The following LRRC8C variants were observed in gnomAD, a reference collection of about 807,000 sequenced individuals.
The protein encoded by LRRC8C is volume-regulated anion channel subunit LRRC8C.
Under a neutral mutation model 55.3 loss-of-function variants are expected in LRRC8C, and 20 were observed. That is an observed-to-expected ratio of 0.36 (90% CI 0.25 to 0.53). The LOEUF (loss-of-function observed/expected upper bound fraction) is 0.53. LRRC8C is among the 20% of genes least tolerant of loss of function. LRRC8C has a pLI of 0.92. For synonymous variants in LRRC8C, 376 were observed against 360.7 expected (o/e 1.04, Z -0.48); for missense variants, 659 against 951.4 (o/e 0.69, Z 4.04).
intron 1 of LRRC8C, among the ~76,000 whole-genome samples, chr1:89,668,617 G>A (rs1051382550): frequency 2.0e-5 from 3 of 152,136 alleles, no homozygotes; most frequent in African/African-American, 7.2e-5. Flanking sequence ...GATTGTTAGA[G>A]ACTAAAATAA....
upstream of LRRC8C, among the ~76,000 whole-genome samples, chr1:89,630,116 A>G (rs1416205216): frequency 6.6e-6 from 1 of 152,212 alleles, no homozygotes; most frequent in East Asian, 1.9e-4. Context: ...AGTTGCAGTC[A>G]GCGAGATCAC....
chr1:89,714,573 G>T lies in LRRC8C; in HGVS notation c.2003G>T (p.Ser668Ile). The T allele has an allele frequency of 1.2e-6, 2 of 1,614,134 alleles. No homozygotes were observed. Among genetic ancestry groups the T allele is most frequent in the Non-Finnish European group, 1.7e-6 (2 of 1,180,012 alleles). Residue 668 changes from serine to isoleucine, a missense_variant, in exon 3 of 3, where the codon AGT becomes ATT. By Grantham distance (142) the Ser-to-Ile change is moderately radical. This residue lies in a region of LRRC8C where 344 missense variants were observed against 464.6 expected (regional missense o/e 0.74). Coordinates refer to ENST00000370454, the MANE Select transcript of LRRC8C (RefSeq NM_032270.5). The surrounding 1 kb of genome is among the most constrained non-coding windows in gnomAD (Gnocchi z 4.6). The stretch of plus-strand genomic sequence containing the variant: ...ACCAGCCTGGAACGCCTGTCCTTTA[G>T]TCACAATAAAATAGAGGTGCTGCCT... ...KLTSLERLSF[S>I]HNKIEVLPSH... is the part of the protein sequence containing the mutation.
At chr1:89,641,802 C>G (rs1331700918) in intron 1 of LRRC8C, among the ~76,000 whole-genome samples, 1 of 152,190 alleles carries the variant, frequency 6.6e-6, no homozygotes, top group Admixed American at 6.5e-5. Flanking sequence ...ATAATCTAAA[C>G]TAACATAGTT....
chr1:89,680,346 G>A (rs767960549), intron 1 of LRRC8C, among the ~76,000 whole-genome samples: 1 of 151,752 alleles, frequency 6.6e-6, no homozygotes, highest in Non-Finnish European at 1.5e-5. Flanking sequence ...CAAAGTGCTG[G>A]GATTACAGGC....
chr1:89,690,191 G>T (rs1391242340), intron 2 of LRRC8C, among the ~76,000 whole-genome samples: 1 of 152,196 alleles, frequency 6.6e-6, no homozygotes, highest in African/African-American at 2.4e-5. Context: ...TCATCCACCA[G>T]AATGGGAATG....
intron 1 of LRRC8C, among the ~76,000 whole-genome samples, chr1:89,666,800 T>G (rs1439834440): frequency 6.6e-6 from 1 of 152,206 alleles, no homozygotes; most frequent in Non-Finnish European, 1.5e-5. Context: ...GTACCTTTTA[T>G]GTGCCAGATA....
chr1:89,652,615 A>G (rs1656822513), intron 1 of LRRC8C, among the ~76,000 whole-genome samples: 1 of 152,140 alleles, frequency 6.6e-6, no homozygotes, highest in Non-Finnish European at 1.5e-5. Context: ...CACACTAGGT[A>G]CGAGGCTCTC....
chr1:89,625,337 T>C, the LRRC8C span: 3 of 152,168 alleles, frequency 2.0e-5, no homozygotes, highest in African/African-American at 4.8e-5. Flanking sequence ...TATTAAGAGA[T>C]TTCTCCCAAG....
At chr1:89,697,746 A>C (rs566631531) in intron 2 of LRRC8C, among the ~76,000 whole-genome samples, 1 of 152,298 alleles carries the variant, frequency 6.6e-6, no homozygotes, top group African/African-American at 2.4e-5. Flanking sequence ...GAATGAGAAG[A>C]AGCTGCTTCA....
Position 89,714,784 on chromosome 1 carries a change from A to G in LRRC8C, c.2214A>G (p.Lys738=). 6.2e-7 allele frequency: 1 copy of G among 1,613,968 alleles called. No individual in the cohort carries two copies. The highest frequency in any genetic ancestry group is 2.2e-5 in the East Asian group (1 of 44,894). The change falls in exon 3 of 3, where the codon AAA becomes AAG. Residue 738 remains lysine (K), a synonymous_variant. Coordinates refer to ENST00000370454, the MANE Select transcript of LRRC8C (RefSeq NM_032270.5). This position sits in a 1 kb window ranked among gnomAD's most constrained non-coding sequence, Gnocchi z 4.6. The part of the protein sequence containing the change: ...CKKLKTLKIG[K]NSLSVLSPKI... ...AACTTAAAACTCTGAAGATTGGAAA[A>G]AACAGCCTATCTGTACTTTCACCGA...
intron 1 of LRRC8C, among the ~76,000 whole-genome samples, chr1:89,645,056 A>C (rs917064838): frequency 3.9e-5 from 6 of 152,252 alleles, no homozygotes; most frequent in Non-Finnish European, 7.3e-5. Context: ...GACAAAATAC[A>C]GTCAATAGAA....
chr1:89,659,710 C>G (rs184550635), intron 1 of LRRC8C, among the ~76,000 whole-genome samples: 319 of 151,990 alleles, frequency 2.1e-3, no homozygotes, highest in Non-Finnish European at 3.4e-3. Context: ...AAATATGGAC[C>G]CCATCAGAAC....
chr1:89,702,509 C>A lies in LRRC8C; in HGVS notation c.139-10200C>A, dbSNP rs572767486. ...CTGCACTTTGGGAGGCCGAGGCAGGCGGATCACTTGAGCCCAGGAGTTCAA... is the reference window on the plus strand; with the variant it reads ...CTGCACTTTGGGAGGCCGAGGCAGGAGGATCACTTGAGCCCAGGAGTTCAA... On this transcript the variant is annotated intron_variant, in intron 2 of 2. Transcript: ENST00000370454. 2.6e-5 allele frequency among the ~76,000 whole-genome samples: 4 copies of A among 152,090 alleles called. No homozygotes were observed. In the East Asian group the frequency reaches 7.7e-4, roughly 29 times the overall value.
intron 1 of LRRC8C, among the ~76,000 whole-genome samples, chr1:89,684,227 T>A (rs1657808449): frequency 6.6e-6 from 1 of 152,240 alleles, no homozygotes. Context: ...CACTGCTCTA[T>A]ATTGGTGCAT....
chr1:89,642,846 C>CA (rs34394797), intron 1 of LRRC8C, among the ~76,000 whole-genome samples: 219 of 140,834 alleles, frequency 1.6e-3, no homozygotes, highest in Non-Finnish European at 2.0e-3. Flanking sequence ...GACTCCATCT[C>CA]AAAAAAAAAA....
chr1:89,669,653 G>C (rs1465346821), intron 1 of LRRC8C, among the ~76,000 whole-genome samples: 1 of 152,118 alleles, frequency 6.6e-6, no homozygotes, highest in Non-Finnish European at 1.5e-5. Flanking sequence ...GAAAACAGAA[G>C]GATTAAGTAA....
the LRRC8C span, among the ~76,000 whole-genome samples, chr1:89,616,534 T>C: frequency 6.6e-6 from 1 of 152,208 alleles, no homozygotes; most frequent in Non-Finnish European, 1.5e-5. Context: ...GATTTCATTA[T>C]TGTCTTGACA....
chr1:89,714,949 T>A lies in LRRC8C; in HGVS notation c.2379T>A (p.Pro793=). 6.3e-7 allele frequency: 1 copy of A among 1,590,156 alleles called. No homozygotes were observed. Among genetic ancestry groups the A allele is most frequent in the African/African-American group, 1.4e-5 (1 of 73,588 alleles). ...AAGATGCTCTGTTTGAAACTCTGCC[T>A]TCTGACGTCCGGGAGCAAATGAAAA... is the stretch of plus-strand genomic sequence containing the variant. ...VVEDALFETL[P]SDVREQMKTE Residue 793 remains proline (P), a synonymous_variant, in exon 3 of 3, where the codon CCT becomes CCA. Coordinates refer to ENST00000370454, the MANE Select transcript of LRRC8C (RefSeq NM_032270.5). This position sits in a 1 kb window ranked among gnomAD's most constrained non-coding sequence, Gnocchi z 4.6.
intron 1 of LRRC8C, among the ~76,000 whole-genome samples, chr1:89,655,585 A>G (rs142646920): frequency 0.013 from 1,945 of 152,354 alleles, 23 homozygotes; most frequent in Non-Finnish European, 0.017. Context: ...GGATCCCAAT[A>G]TCAAGGTGCA....
Sources: gnomAD v4.1 joint callset for allele counts (sites outside exome capture counted in the v4.1 genomes callset) on GRCh38, gnomAD v4.1.1 for gene constraint, gnomAD v4.1.1 regional missense constraint, Gnocchi (gnomAD v3.1) non-coding constraint, MANE v1.5 for transcripts, NCBI Gene and HGNC (gene_info 2026-07-23, HGNC 2026-07-21) for gene names.